Variants in BMP6 observed in about 807,000 individuals in gnomAD.
The protein encoded by BMP6 is VG-1-R.
In BMP6, 17 loss-of-function variants were observed where a neutral mutation model predicts 54.1. The observed-to-expected ratio is 0.31, with a 90% CI of 0.22 to 0.47. The LOEUF is 0.47. Among genes scored for constraint, BMP6 ranks in the 20% least tolerant of loss-of-function variants. The pLI is 1.00. For synonymous variants in BMP6, 328 were observed against 291.2 expected, an observed-to-expected ratio of 1.13 and a Z score of -1.28; for missense variants, 720 against 690.4, an observed-to-expected ratio of 1.04 and a Z score of -0.48.
intron 1 of BMP6, among the ~76,000 whole-genome samples, chr6:7,830,079 A>G (rs1758770646): frequency 6.6e-6 from 1 of 152,180 alleles, no homozygotes; most frequent in South Asian, 2.1e-4. Context: ...TTCAGAAAAG[A>G]GCCAATCACC....
intron 1 of BMP6, among the ~76,000 whole-genome samples, chr6:7,799,126 A>G (rs1191376981): frequency 6.6e-6 from 1 of 152,244 alleles, no homozygotes; most frequent in East Asian, 1.9e-4. Context: ...AAGGTTTTGG[A>G]TGGCAAAAAT....
In BMP6 at chr6:7,757,009, G is replaced by A. The variant is rs115945042; in HGVS notation, c.664+29390G>A. Reference sequence around the variant, plus strand: ...AGACCCCTCTGTAGATCTTTGGAGCGCTCTCTCTATGTAGCACTCTCTTTT... The same window carrying A: ...AGACCCCTCTGTAGATCTTTGGAGCACTCTCTCTATGTAGCACTCTCTTTT... On this transcript the variant is annotated intron_variant, in intron 1 of 6. Coordinates refer to ENST00000283147, the MANE Select transcript of BMP6 (RefSeq NM_001718.6). Among the ~76,000 whole-genome samples the A allele has an allele frequency of 1.3e-4, 20 of 152,150 alleles. No individual in the cohort carries two copies. The East Asian group carries it at 1.7e-3, about 13-fold the overall frequency.
At chr6:7,746,980 G>T (rs1581230894) in intron 1 of BMP6, among the ~76,000 whole-genome samples, 1 of 152,164 alleles carries the variant, frequency 6.6e-6, no homozygotes, top group Non-Finnish European at 1.5e-5. Flanking sequence ...TCCTGGGGGT[G>T]GGGATTGGTC....
chr6:7,786,037 A>G (rs538553464), intron 1 of BMP6, among the ~76,000 whole-genome samples: 47 of 152,320 alleles, frequency 3.1e-4, no homozygotes, highest in African/African-American at 1.1e-3. Flanking sequence ...GCCCCTGAAG[A>G]GTCTTGAAAA....
intron 4 of BMP6, among the ~76,000 whole-genome samples, chr6:7,871,452 T>TC (rs1037420385): frequency 6.6e-6 from 1 of 152,118 alleles, no homozygotes; most frequent in Admixed American, 6.5e-5. Flanking sequence ...GAATTCGTCC[T>TC]GGGGGGGCTT....
chr6:7,810,825 C>T (rs1442427054), intron 1 of BMP6, among the ~76,000 whole-genome samples: 2 of 152,158 alleles, frequency 1.3e-5, no homozygotes, highest in Admixed American at 6.5e-5. Context: ...TCTCTGCTAC[C>T]TAGGCCAACA....
rs1758395209 is a variant in BMP6, at chr6:7,808,980, C to T, written c.665-36160C>T. On this transcript the variant is annotated intron_variant, in intron 1 of 6. Transcript: ENST00000283147. ...TACTCTGATCAGAGGCATCCGCTTC[C>T]CGTGAGCACTTCTGTGCCTTGAGGA... is the stretch of plus-strand genomic sequence containing the variant. 1.3e-5 allele frequency among the ~76,000 whole-genome samples: 2 copies of T among 151,132 alleles called. 1 individual carries two copies. The highest frequency in any genetic ancestry group is 4.2e-4 in the South Asian group (2 of 4,760).
chr6:7,732,176 T>C (rs1372492441), intron 1 of BMP6, among the ~76,000 whole-genome samples: 1 of 152,214 alleles, frequency 6.6e-6, no homozygotes, highest in Non-Finnish European at 1.5e-5. Context: ...CTTAAGAAGA[T>C]TTTTGTTAGC....
intron 1 of BMP6, among the ~76,000 whole-genome samples, chr6:7,823,844 C>T (rs1446667616): frequency 1.3e-5 from 2 of 152,136 alleles, no homozygotes; most frequent in African/African-American, 2.4e-5. Flanking sequence ...CAGGGCCCTA[C>T]GTGGGTTAGG....
rs143115957 is a variant in BMP6 at position 7,744,427 on chromosome 6, G to A, written c.664+16808G>A. ...GGAGGCCGAGGTTGCAGTGAGCTGA[G>A]ATCGCACCACTGCACTTCACTCTGG... On this transcript the variant is annotated intron_variant, in intron 1 of 6. Transcript: ENST00000283147. Among the ~76,000 whole-genome samples, 232 of 152,194 alleles carry A rather than the reference G, an allele frequency of 1.5e-3. 1 individual carries two copies. The highest frequency in any genetic ancestry group is 2.9e-3 in the Non-Finnish European group (194 of 68,018).
At position 7,880,115 on chromosome 6, in the gene BMP6, G is replaced by C; in HGVS notation, c.1392+14G>C. 1 of 1,614,112 alleles carries C rather than the reference G, an allele frequency of 6.2e-7. No homozygotes were observed. Among genetic ancestry groups the C allele is most frequent in the Non-Finnish European group, 8.5e-7 (1 of 1,179,988 alleles). On this transcript the variant is annotated intron_variant, in intron 6 of 6. Coordinates refer to ENST00000283147, the MANE Select transcript of BMP6 (RefSeq NM_001718.6). ...GTGCAGACCTTGGTGAGCTCTCGGA[G>C]ACTTTGTTTTGTAAGTGGGAGTAAG...
intron 1 of BMP6, among the ~76,000 whole-genome samples, chr6:7,777,303 G>T (rs544366628): frequency 6.6e-6 from 1 of 152,324 alleles, no homozygotes; most frequent in African/African-American, 2.4e-5. Flanking sequence ...CTTAACAGAC[G>T]TGCACATTCA....
At chr6:7,817,571 T>G (rs1758547546) in intron 1 of BMP6, among the ~76,000 whole-genome samples, 2 of 99,760 alleles carry the variant, frequency 2.0e-5, no homozygotes, top group South Asian at 7.9e-4. Context: ...CGGGGGCCTG[T>G]CGTGGCGTGG....
At chr6:7,754,482 A>C (rs993060382) in intron 1 of BMP6, among the ~76,000 whole-genome samples, 6 of 151,952 alleles carry the variant, frequency 3.9e-5, no homozygotes, top group Non-Finnish European at 8.8e-5. Flanking sequence ...ATAATTAAGG[A>C]TTTGTCTACT....
At position 7,852,247 on chromosome 6, in the gene BMP6, TCCCTTTCTCCTAGAGTTTAG is replaced by T. The variant is rs1418819032; in HGVS notation, c.857+6923_857+6942del. ...ATTAAGGCTTATCTGTTTATGGTTT[TCCCTTTCTCCTAGAGTTTAG>T]CCCTTTCAGCTAAAAGTCTAGGATG... On this transcript the variant is annotated intron_variant, in intron 2 of 6. Transcript: ENST00000283147. Among the ~76,000 whole-genome samples the T allele has an allele frequency of 3.9e-5, 6 of 152,344 alleles. No homozygotes were observed. In the South Asian group the frequency reaches 1.2e-3, roughly 32 times the overall value.
intron 1 of BMP6, among the ~76,000 whole-genome samples, chr6:7,813,470 A>AAC (rs2113214245): frequency 6.9e-6 from 1 of 145,690 alleles, no homozygotes; most frequent in East Asian, 2.0e-4. Flanking sequence ...AAAAAAAAAA[A>AAC]AAAAAAAAAA....
At chr6:7,877,816 C>T (rs2113296826) in intron 4 of BMP6, among the ~76,000 whole-genome samples, 1 of 152,302 alleles carries the variant, frequency 6.6e-6, no homozygotes, top group Admixed American at 6.5e-5. Flanking sequence ...TGACATCCCA[C>T]ATTAGATGAC....
chr6:7,853,674 G>A (rs902980616), intron 2 of BMP6, among the ~76,000 whole-genome samples: 2 of 152,148 alleles, frequency 1.3e-5, no homozygotes, highest in Admixed American at 6.6e-5. Context: ...TTCTGTGTCT[G>A]GCTTTCACAG....
chr6:7,775,356 G>C (rs1757848252), intron 1 of BMP6, among the ~76,000 whole-genome samples: 1 of 152,228 alleles, frequency 6.6e-6, no homozygotes, highest in Non-Finnish European at 1.5e-5. Context: ...GAAGGTCACA[G>C]AGCTGCTGAA....
Sources: gnomAD v4.1 joint callset for allele counts (sites outside exome capture counted in the v4.1 genomes callset) on GRCh38, gnomAD v4.1.1 for gene constraint, MANE v1.5 for transcripts, NCBI Gene and HGNC (gene_info 2026-07-23, HGNC 2026-07-21) for gene names.